The following NCKAP5 variants were observed in gnomAD, a reference collection of about 807,000 sequenced individuals.
NCKAP5 encodes the protein NCK associated protein 5.
In NCKAP5, 92 loss-of-function variants were observed where a neutral mutation model predicts 167.0. The observed-to-expected ratio is 0.55, with a 90% CI of 0.47 to 0.66. The LOEUF (loss-of-function observed/expected upper bound fraction) is 0.66, where lower values mean the gene tolerates loss of function less well. Among genes scored for constraint, NCKAP5 ranks in the 30% least tolerant of loss-of-function variants. The pLI, the probability that NCKAP5 is intolerant of heterozygous loss-of-function variation, is 0.00. For missense variants in NCKAP5, 2,378 were observed against 2,315.0 expected, an observed-to-expected ratio of 1.03 and a Z score of -0.56; for synonymous variants, 891 against 877.4, an observed-to-expected ratio of 1.02 and a Z score of -0.27.
intron 5 of NCKAP5, among the ~76,000 whole-genome samples, 159 bp from the exon 6 acceptor site, chr2:133,130,270 A>C (rs954860692): frequency 6.6e-6 from 1 of 152,208 alleles, no homozygotes; most frequent in South Asian, 2.1e-4. Flanking sequence ...TGTTATAGAC[A>C]ACGAAACCAA....
chr2:133,009,648 T>C (rs146520818), intron 6 of NCKAP5, among the ~76,000 whole-genome samples: 111 of 152,232 alleles, frequency 7.3e-4, no homozygotes, highest in Admixed American at 1.4e-3. Context: ...TGTGTGGTAA[T>C]GAGTAACTTG....
intron 11 of NCKAP5, among the ~76,000 whole-genome samples, chr2:132,818,289 T>A (rs1686439944): frequency 6.6e-6 from 1 of 152,206 alleles, no homozygotes; most frequent in Non-Finnish European, 1.5e-5. Flanking sequence ...ATAGGAAGAA[T>A]AATCTAAGCA....
At chr2:132,834,407 C>T (rs570904593) in intron 11 of NCKAP5, among the ~76,000 whole-genome samples, 31 of 152,144 alleles carry the variant, frequency 2.0e-4, no homozygotes, top group East Asian at 5.8e-4. Context: ...AGCAGTGGCG[C>T]GATCTCGGCT....
intron 19 of NCKAP5, among the ~76,000 whole-genome samples, chr2:132,678,715 C>T (rs575257348): frequency 1.2e-4 from 19 of 152,180 alleles, no homozygotes; most frequent in Admixed American, 8.5e-4. Context: ...ATGCAGATAG[C>T]GAGGTCTAAA....
At chr2:132,823,219 C>A in intron 11 of NCKAP5, among the ~76,000 whole-genome samples, 1 of 152,122 alleles carries the variant, frequency 6.6e-6, no homozygotes, top group Middle Eastern at 3.4e-3. Context: ...GAATTCATTG[C>A]AAAAAGATCA....
At chr2:132,753,122 C>T (rs1014945707) in intron 16 of NCKAP5, among the ~76,000 whole-genome samples, 12 of 152,148 alleles carry the variant, frequency 7.9e-5, no homozygotes, top group Admixed American at 1.3e-4. Flanking sequence ...TCTGGGCACC[C>T]GATGGCCCAG....
At chr2:133,027,632 G>T (rs1211903173) in intron 6 of NCKAP5, among the ~76,000 whole-genome samples, 1 of 152,156 alleles carries the variant, frequency 6.6e-6, no homozygotes, top group Non-Finnish European at 1.5e-5. Context: ...CTGTCTCAGA[G>T]GGGAGGCTGG....
chr2:133,033,234 T>G (rs2078936946), intron 6 of NCKAP5, among the ~76,000 whole-genome samples: 2 of 152,162 alleles, frequency 1.3e-5, no homozygotes, highest in African/African-American at 4.8e-5. Flanking sequence ...ACAGAGAATT[T>G]TCCTGGGTCT....
chr2:132,795,351 C>T (rs1300639909), intron 12 of NCKAP5, among the ~76,000 whole-genome samples: 1 of 152,222 alleles, frequency 6.6e-6, no homozygotes, highest in Non-Finnish European at 1.5e-5. Flanking sequence ...TCTATTGCAA[C>T]ATTATCTTAA....
chr2:133,427,125 A>G (rs988054767), intron 3 of NCKAP5, among the ~76,000 whole-genome samples: 3 of 152,214 alleles, frequency 2.0e-5, no homozygotes, highest in African/African-American at 7.2e-5. Flanking sequence ...CAAAGAATCA[A>G]TTAAACTGAA....
At chr2:133,344,975 C>T (rs904898816) in intron 3 of NCKAP5, among the ~76,000 whole-genome samples, 1 of 152,004 alleles carries the variant, frequency 6.6e-6, no homozygotes, top group Non-Finnish European at 1.5e-5. Flanking sequence ...ATCCAAATAT[C>T]GATTTCAGTG....
intron 8 of NCKAP5, among the ~76,000 whole-genome samples, chr2:132,928,746 G>C (rs1286610091): frequency 6.6e-6 from 1 of 152,062 alleles, no homozygotes; most frequent in East Asian, 1.9e-4. Flanking sequence ...ATAACACTGT[G>C]GTGGGAGCCA....
chr2:133,038,383 CG>C (rs1286437448), intron 6 of NCKAP5, among the ~76,000 whole-genome samples: 1 of 152,058 alleles, frequency 6.6e-6, no homozygotes, highest in African/African-American at 2.4e-5. Context: ...AGACAAACAT[CG>C]CATGTTTTCA....
intron 3 of NCKAP5, among the ~76,000 whole-genome samples, chr2:133,328,928 G>C (rs1011800321): frequency 2.6e-5 from 4 of 151,742 alleles, no homozygotes; most frequent in Admixed American, 2.6e-4. Flanking sequence ...CATAATCTTA[G>C]AACAAAAAAT....
intron 6 of NCKAP5, among the ~76,000 whole-genome samples, chr2:132,999,641 T>C (rs562366965): frequency 6.6e-6 from 1 of 152,340 alleles, no homozygotes; most frequent in African/African-American, 2.4e-5. Context: ...CCTGGACTTA[T>C]TCAATAATGA....
chr2:133,195,505 A>G (rs2085398409), intron 5 of NCKAP5, among the ~76,000 whole-genome samples: 1 of 152,142 alleles, frequency 6.6e-6, no homozygotes, highest in African/African-American at 2.4e-5. Context: ...TCACTAGGCA[A>G]AAGGTATTTG....
intron 4 of NCKAP5, among the ~76,000 whole-genome samples, chr2:133,270,098 TA>T (rs1212562585): frequency 1.1e-4 from 17 of 152,348 alleles, no homozygotes; most frequent in Admixed American, 1.0e-3. Context: ...ATAACTTACG[TA>T]AAGCTCTTAG....
intron 8 of NCKAP5, among the ~76,000 whole-genome samples, chr2:132,956,011 C>A (rs2076331731): frequency 6.6e-6 from 1 of 152,072 alleles, no homozygotes; most frequent in African/African-American, 2.4e-5. Context: ...TGTGAGAATG[C>A]AGACAGGGTG....
intron 5 of NCKAP5, among the ~76,000 whole-genome samples, chr2:133,151,674 G>A (rs552405517): frequency 1.3e-5 from 2 of 152,278 alleles, no homozygotes; most frequent in South Asian, 4.1e-4. Flanking sequence ...GCTAGTGAAA[G>A]TATAAAATGG....
Sources: allele counts gnomAD v4.1 joint callset (sites outside exome capture counted in the v4.1 genomes callset), GRCh38; gene constraint gnomAD v4.1.1; transcripts MANE v1.5; gene names NCBI Gene and HGNC (gene_info 2026-07-23, HGNC 2026-07-21).